TAOK1: variants seen among roughly 807,000 people sequenced by gnomAD.
The protein encoded by TAOK1 is serine/threonine-protein kinase TAO1.
Under a neutral mutation model 138.3 loss-of-function variants are expected in TAOK1, and 21 were observed. The observed-to-expected ratio is 0.15, with a 90% confidence interval of 0.11 to 0.22. The LOEUF (loss-of-function observed/expected upper bound fraction) is 0.22. Ranked by LOEUF, TAOK1 falls within the 10% of genes least tolerant of loss-of-function variation. TAOK1 has a pLI of 1.00. For synonymous variants in TAOK1, 361 were observed against 398.4 expected (o/e 0.91, Z 1.12); for missense variants, 651 against 1,227.7 (o/e 0.53, Z 7.02).
chr17:29,465,837 CTTTT>C (rs3058623), intron 2 of TAOK1, among the ~76,000 whole-genome samples: 4 of 45,454 alleles, frequency 8.8e-5, no homozygotes, highest in African/African-American at 1.1e-4. Flanking sequence ...AGTTTCTGTG[CTTTT>C]TTTTTTTTTT....
intron 17 of TAOK1, among the ~76,000 whole-genome samples, chr17:29,527,487 A>C (rs182737692): frequency 6.6e-6 from 1 of 152,264 alleles, no homozygotes; most frequent in African/African-American, 2.4e-5. Flanking sequence ...AGTGCTACTA[A>C]CCATAGCTAA....
chr17:29,480,281 T>A, intron 6 of TAOK1, 87 bp from the exon 7 acceptor site: 2 of 893,574 alleles, frequency 2.2e-6, no homozygotes, highest in Admixed American at 5.5e-5. Context: ...TCTTTCTCTA[T>A]CCTATGAATT....
intron 17 of TAOK1, among the ~76,000 whole-genome samples, chr17:29,526,146 A>G (rs979132574): frequency 1.3e-5 from 2 of 151,952 alleles, no homozygotes; most frequent in African/African-American, 4.8e-5. Context: ...GTGGTGGCAC[A>G]TGCTTGCTCT....
chr17:29,430,778 C>A (rs544985049), intron 1 of TAOK1, among the ~76,000 whole-genome samples: 2 of 152,276 alleles, frequency 1.3e-5, no homozygotes, highest in South Asian at 4.1e-4. Flanking sequence ...GAAGGTCTTT[C>A]TTCTGTAACT....
chr17:29,438,148 C>A (rs963723749), intron 1 of TAOK1, among the ~76,000 whole-genome samples: 2 of 152,036 alleles, frequency 1.3e-5, no homozygotes, highest in African/African-American at 4.8e-5. Flanking sequence ...TATGTATAAG[C>A]CCAAATTTAA....
chr17:29,397,342 G>A (rs1904642634), intron 1 of TAOK1, among the ~76,000 whole-genome samples: 1 of 151,310 alleles, frequency 6.6e-6, no homozygotes, highest in Admixed American at 6.6e-5. Flanking sequence ...CGTGGCTCAC[G>A]CCTGTAATCT....
At chr17:29,540,229 C>T (rs1442280890) in intron 19 of TAOK1, among the ~76,000 whole-genome samples, 3 of 152,206 alleles carry the variant, frequency 2.0e-5, no homozygotes, top group Non-Finnish European at 2.9e-5. Context: ...AGGACTTAAA[C>T]ATGGAATATT....
intron 19 of TAOK1, among the ~76,000 whole-genome samples, chr17:29,541,298 T>G (rs1022636780): frequency 7.0e-6 from 1 of 143,316 alleles, no homozygotes; most frequent in East Asian, 2.2e-4. Flanking sequence ...TTAGTAGAGA[T>G]GGGGTTTCAC....
intron 1 of TAOK1, among the ~76,000 whole-genome samples, chr17:29,396,130 C>T (rs2153019589): frequency 6.6e-6 from 1 of 152,136 alleles, no homozygotes; most frequent in African/African-American, 2.4e-5. Flanking sequence ...AAAGATGTCT[C>T]ATACCTTCTA....
intron 3 of TAOK1, among the ~76,000 whole-genome samples, chr17:29,475,182 A>C (rs1270636240): frequency 2.6e-5 from 4 of 152,088 alleles, no homozygotes; most frequent in Non-Finnish European, 5.9e-5. Flanking sequence ...CTTGTGATCC[A>C]CCTGCTTCAG....
chr17:29,501,900 G>T (rs942707135), intron 12 of TAOK1, among the ~76,000 whole-genome samples: 4 of 152,074 alleles, frequency 2.6e-5, no homozygotes, highest in Non-Finnish European at 4.4e-5. Context: ...AGCTGGGCAT[G>T]GTAGTGCATG....
At position 29,513,835 on chromosome 17, in the gene TAOK1, T is replaced by TCAGGAGGCTGAGG; in HGVS notation, c.1704+2850_1704+2862dup. 5 of 152,128 alleles carry TCAGGAGGCTGAGG rather than the reference T, an allele frequency of 3.3e-5. No individual in the cohort carries two copies. The East Asian group carries it at 5.8e-4, about 18-fold the overall frequency. 9.4% of individuals were successfully genotyped at this position (152,128 alleles called of 1,614,324 possible). A position where few individuals can be genotyped will look rare whatever the true frequency, so the allele number is the denominator to read the frequency against. On this transcript the variant is annotated intron_variant, in intron 15 of 19. Transcript: ENST00000261716. The stretch of plus-strand genomic sequence containing the variant: ...GGCACATACTTATAATCCCAGCTAC[T>TCAGGAGGCTGAGG]CAGGAGGCTGAGGCAGGAGAATTGC...
At chr17:29,444,369 G>T (rs1467647859) in intron 1 of TAOK1, among the ~76,000 whole-genome samples, 1 of 152,174 alleles carries the variant, frequency 6.6e-6, no homozygotes, top group Non-Finnish European at 1.5e-5. Context: ...AACCAGGATG[G>T]TGCTAATTTT....
intron 2 of TAOK1, among the ~76,000 whole-genome samples, chr17:29,465,341 G>A (rs1413858512): frequency 2.6e-5 from 4 of 151,246 alleles, no homozygotes; most frequent in Non-Finnish European, 4.4e-5. Context: ...TAGTAGAGAC[G>A]GGGTTTCACC....
chr17:29,445,555 A>T (rs1430807692), intron 1 of TAOK1, among the ~76,000 whole-genome samples: 6 of 152,096 alleles, frequency 3.9e-5, no homozygotes, highest in Non-Finnish European at 8.8e-5. Flanking sequence ...GATGTTATCA[A>T]TTTGATTTTC....
At chr17:29,395,494 G>A (rs1224200285) in intron 1 of TAOK1, among the ~76,000 whole-genome samples, 1 of 152,152 alleles carries the variant, frequency 6.6e-6, no homozygotes, top group East Asian at 1.9e-4. Context: ...TGGCGCCACT[G>A]CCTGACAGCC....
chr17:29,452,523 A>C (rs1391924081), intron 2 of TAOK1, among the ~76,000 whole-genome samples: 1 of 152,056 alleles, frequency 6.6e-6, no homozygotes, highest in Non-Finnish European at 1.5e-5. Flanking sequence ...AAACTTATCA[A>C]ATTTGCTGTT....
chr17:29,531,766 A>C (rs79693873), intron 18 of TAOK1, among the ~76,000 whole-genome samples: 2 of 141,898 alleles, frequency 1.4e-5, no homozygotes, highest in African/African-American at 2.5e-5. Context: ...CCGTCTCAGA[A>C]AAAAAAAAAC....
At chr17:29,517,071 C>G (rs1407674268) in intron 15 of TAOK1, among the ~76,000 whole-genome samples, 2 of 151,862 alleles carry the variant, frequency 1.3e-5, no homozygotes, top group African/African-American at 4.8e-5. Context: ...ACTGCAAGCT[C>G]CGCCTCCCAG....
Sources: allele counts gnomAD v4.1 joint callset (sites outside exome capture counted in the v4.1 genomes callset), GRCh38; gene constraint gnomAD v4.1.1; transcripts MANE v1.5; gene names NCBI Gene and HGNC (gene_info 2026-07-23, HGNC 2026-07-21).